Variants in EXOC2 observed in about 807,000 individuals in gnomAD.
EXOC2 encodes SEC5-like 1.
EXOC2 carries 70 observed loss-of-function variants against 131.8 expected under a neutral mutation model. The observed-to-expected ratio is 0.53, with a 90% CI of 0.44 to 0.65. The LOEUF (loss-of-function observed/expected upper bound fraction) is 0.65, where lower values mean the gene tolerates loss of function less well. Among genes scored for constraint, EXOC2 ranks in the 30% least tolerant of loss-of-function variants. EXOC2 has a pLI of 0.00. For missense variants in EXOC2, 923 were observed against 1,108.6 expected (o/e 0.83, Z 2.38); for synonymous variants, 411 against 398.4 (o/e 1.03, Z -0.38).
chr6:652,430 C>T (rs1048019054), intron 1 of EXOC2, among the ~76,000 whole-genome samples: 1 of 152,012 alleles, frequency 6.6e-6, no homozygotes, highest in Non-Finnish European at 1.5e-5. Context: ...TGTTTTATCA[C>T]CAAATCTAGT....
At chr6:512,967 T>C (rs1764934992) in intron 23 of EXOC2, among the ~76,000 whole-genome samples, 1 of 152,216 alleles carries the variant, frequency 6.6e-6, no homozygotes, top group Admixed American at 6.5e-5. Flanking sequence ...AGGTTTTCAA[T>C]ATGAACCAAA....
At chr6:608,213 C>T (rs1354059022) in intron 7 of EXOC2, among the ~76,000 whole-genome samples, 4 of 152,226 alleles carry the variant, frequency 2.6e-5, no homozygotes, top group African/African-American at 4.8e-5. Context: ...CTGATAACTA[C>T]GAACCCGCCT....
intron 23 of EXOC2, among the ~76,000 whole-genome samples, chr6:501,102 A>ATATATATTATATATATC (rs1764028187): frequency 2.2e-5 from 2 of 88,896 alleles, no homozygotes; most frequent in Non-Finnish European, 4.2e-5. Context: ...CTCAAAAGAT[A>ATATATATTATATATATC]TATATATTAT....
In EXOC2 at chr6:485,521, C is replaced by T. The variant is rs1048339793; in HGVS notation, c.*1150G>A. 7.9e-5 allele frequency: 12 copies of T among 152,152 alleles called. No individual in the cohort carries two copies. The highest frequency in any genetic ancestry group is 1.7e-4 in the African/African-American group (7 of 41,512). The allele number at this position is 152,152 out of a possible 1,614,324, so 9.4% of individuals were successfully genotyped here. ...GAAAAACTTGAAAACCCTGACAAGCCGACTACAAAGAGAATTCCTCTCTGA... is the reference window on the plus strand; with the variant it reads ...GAAAAACTTGAAAACCCTGACAAGCTGACTACAAAGAGAATTCCTCTCTGA... On this transcript the variant is annotated 3_prime_UTR_variant, in exon 28 of 28. Coordinates refer to ENST00000230449, the MANE Select transcript of EXOC2 (RefSeq NM_018303.6).
chr6:568,558 T>C lies in EXOC2; in HGVS notation c.1444-3629A>G, dbSNP rs144336174. ...GTATGTGTGTGTGTGAGTGCAGGGATAGGCATACACATCCTATTGGTTCTA... is the reference window on the plus strand; with the variant it reads ...GTATGTGTGTGTGTGAGTGCAGGGACAGGCATACACATCCTATTGGTTCTA... On this transcript the variant is annotated intron_variant, in intron 13 of 27. Coordinates refer to ENST00000230449, the MANE Select transcript of EXOC2 (RefSeq NM_018303.6). Among the ~76,000 whole-genome samples, 406 of 152,286 alleles carry C rather than the reference T, an allele frequency of 2.7e-3. 1 individual carries two copies. The highest frequency in any genetic ancestry group is 9.1e-3 in the African/African-American group (378 of 41,554).
intron 12 of EXOC2, 66 bp from the exon 13 acceptor site, chr6:572,710 T>C (rs1758353535): frequency 6.4e-6 from 10 of 1,567,640 alleles, no homozygotes; most frequent in East Asian, 4.5e-5. Context: ...TTTGAGCATA[T>C]TGGCGCACCC....
intron 23 of EXOC2, among the ~76,000 whole-genome samples, chr6:522,630 G>T (rs1368498296): frequency 1.3e-5 from 2 of 149,494 alleles, no homozygotes; most frequent in Non-Finnish European, 3.0e-5. Context: ...TGATGGTGCA[G>T]CAAGGTGTCT....
rs192710670 is a variant in EXOC2, at chr6:625,070, G to A, written c.422+4765C>T. 2.6e-5 allele frequency among the ~76,000 whole-genome samples: 4 copies of A among 152,358 alleles called. 1 individual carries two copies. Among genetic ancestry groups the A allele is most frequent in the Admixed American group, 2.6e-4 (4 of 15,308 alleles). ...CGGACAATTCCTGCCACCCTGAACA[G>A]ATATGTTTTCCATTAGATGGCAGTG... On this transcript the variant is annotated intron_variant, in intron 4 of 27. Transcript: ENST00000230449.
chr6:504,213 G>A (rs565790708), intron 23 of EXOC2, among the ~76,000 whole-genome samples: 1 of 152,230 alleles, frequency 6.6e-6, no homozygotes, highest in African/African-American at 2.4e-5. Context: ...GGGCTGGGAC[G>A]GTGACGTACG....
chr6:639,797 G>A lies in EXOC2; in HGVS notation c.-43-1936C>T, dbSNP rs528882314. On this transcript the variant is annotated intron_variant, in intron 1 of 27. Coordinates refer to ENST00000230449, the MANE Select transcript of EXOC2 (RefSeq NM_018303.6). ...AAAGCTTCCCCTCTGCCCTCTAAAG[G>A]GTCGCTGGAGATGAATGAGGCTGGT... Among the ~76,000 whole-genome samples, 8 of 152,242 alleles carry A rather than the reference G, an allele frequency of 5.3e-5. No individual in the cohort carries two copies. In the South Asian group the frequency reaches 1.7e-3, roughly 32 times the overall value.
chr6:490,319 G>A (rs1463839203), intron 26 of EXOC2, among the ~76,000 whole-genome samples: 1 of 152,158 alleles, frequency 6.6e-6, no homozygotes, highest in Non-Finnish European at 1.5e-5. Flanking sequence ...CATCCAACAT[G>A]GGCTGGGTGC....
chr6:638,468 G>A (rs774352584), intron 1 of EXOC2, among the ~76,000 whole-genome samples: 65 of 152,218 alleles, frequency 4.3e-4, no homozygotes, highest in Admixed American at 9.2e-4. Context: ...AGACCAGGTA[G>A]ACTTGTGTTC....
At chr6:565,838 A>G (rs1757936537) in intron 13 of EXOC2, among the ~76,000 whole-genome samples, 1 of 152,192 alleles carries the variant, frequency 6.6e-6, no homozygotes, top group African/African-American at 2.4e-5. Flanking sequence ...TGCACGTTGT[A>G]TATATATTTA....
rs186724156 is a variant in EXOC2 at position 634,126 on chromosome 6, C to T, written c.119-1009G>A. Reference sequence around the variant, plus strand: ...TGTTGCCCAGGCTGGAATGCAGTGGCGTGATCTTGGCTCAATGCAACCTCC... The same window carrying T: ...TGTTGCCCAGGCTGGAATGCAGTGGTGTGATCTTGGCTCAATGCAACCTCC... On this transcript the variant is annotated intron_variant, in intron 2 of 27. Transcript: ENST00000230449. Among the ~76,000 whole-genome samples the T allele has an allele frequency of 7.8e-4, 118 of 151,908 alleles. 2 individuals are homozygous for T. Among genetic ancestry groups the T allele is most frequent in the Middle Eastern group, 3.4e-3 (1 of 294 alleles).
rs920080464 is a variant in EXOC2, at chr6:619,471, G to A, written c.495C>T (p.Phe165=). 1 of 1,613,996 alleles carries A rather than the reference G, an allele frequency of 6.2e-7. No homozygotes were observed. Among genetic ancestry groups the A allele is most frequent in the African/African-American group, 1.3e-5 (1 of 75,026 alleles). Residue 165 remains phenylalanine, a synonymous_variant, in exon 5 of 28, where the codon TTC becomes TTT. Coordinates refer to ENST00000230449, the MANE Select transcript of EXOC2 (RefSeq NM_018303.6). ...GMSADFTSEN[F]SAAWYLIENH... ...TCTCTATAAGATACCAGGCTGCTGA[G>A]AAATTCTCACTTGTAAAATCAGCAC...
At chr6:599,840 T>G (rs1760031244) in intron 7 of EXOC2, among the ~76,000 whole-genome samples, 1 of 149,866 alleles carries the variant, frequency 6.7e-6, no homozygotes, top group African/African-American at 2.5e-5. Context: ...ATACATGAGC[T>G]GCACATTTCC....
At chr6:549,386 T>C in intron 21 of EXOC2, 95 bp from the exon 22 acceptor site, 1 of 872,444 alleles carries the variant, frequency 1.1e-6, no homozygotes, top group Admixed American at 2.1e-5. Flanking sequence ...TCTCTGCTCT[T>C]TAACGTCAAT....
intron 1 of EXOC2, chr6:656,450 C>T (rs901604805): frequency 6.2e-6 from 10 of 1,612,990 alleles, no homozygotes; most frequent in Non-Finnish European, 6.8e-6. Context: ...CGATGCTCCT[C>T]AGCGTCCTCC....
intron 27 of EXOC2, among the ~76,000 whole-genome samples, 195 bp from the exon 28 acceptor site, chr6:486,959 T>A (rs1341322110): frequency 2.0e-5 from 3 of 152,202 alleles, no homozygotes; most frequent in Non-Finnish European, 4.4e-5. Flanking sequence ...GATATACTGA[T>A]AACGTATTTA....
Sources: allele counts gnomAD v4.1 joint callset (sites outside exome capture counted in the v4.1 genomes callset), GRCh38; gene constraint gnomAD v4.1.1; transcripts MANE v1.5; gene names NCBI Gene and HGNC (gene_info 2026-07-23, HGNC 2026-07-21).